OSBPL9: variants seen among roughly 807,000 people sequenced by gnomAD.
The protein encoded by OSBPL9 is oxysterol binding protein like 9.
In OSBPL9, 40 loss-of-function variants were observed where a neutral mutation model predicts 106.6. The ratio of observed to expected loss-of-function variants is 0.38; its 90% CI spans 0.29 to 0.49. The LOEUF (loss-of-function observed/expected upper bound fraction) is 0.49, where lower values mean the gene tolerates loss of function less well. OSBPL9 is among the 20% of genes least tolerant of loss of function. OSBPL9 has a pLI of 0.97. For missense variants in OSBPL9, 609 were observed against 887.2 expected (o/e 0.69, Z 3.98); for synonymous variants, 269 against 295.4 (o/e 0.91, Z 0.92).
the OSBPL9 span, among the ~76,000 whole-genome samples, chr1:51,550,969 A>G: frequency 6.6e-6 from 1 of 152,226 alleles, no homozygotes; most frequent in African/African-American, 2.4e-5. Flanking sequence ...ACCTATTTGT[A>G]TCAGGCACTT....
chr1:51,553,837 C>T, the OSBPL9 span, among the ~76,000 whole-genome samples: 2 of 152,170 alleles, frequency 1.3e-5, no homozygotes, highest in Non-Finnish European at 2.9e-5. Flanking sequence ...CGCCACCACA[C>T]CTGGCTAATT....
chr1:51,726,288 A>G lies in OSBPL9; in HGVS notation c.318+12209A>G, dbSNP rs945137570. Among the ~76,000 whole-genome samples the G allele has an allele frequency of 2.0e-5, 3 of 152,280 alleles. 1 individual carries two copies. In the South Asian group the frequency reaches 6.2e-4, roughly 32 times the overall value. On this transcript the variant is annotated intron_variant, in intron 4 of 23. Transcript: ENST00000428468. ...TCACTTCTCTTACAGAGTTAAGAAC[A>G]GTTGTTGGTTTTTCAGTTTGTTCAG...
intron 11 of OSBPL9, among the ~76,000 whole-genome samples, chr1:51,763,292 C>A (rs1450695472): frequency 6.6e-6 from 1 of 152,150 alleles, no homozygotes; most frequent in Non-Finnish European, 1.5e-5. Context: ...AGGTGTGAGC[C>A]ACCGCGCCCA....
the OSBPL9 span, among the ~76,000 whole-genome samples, chr1:51,523,110 A>G: frequency 6.6e-6 from 1 of 152,112 alleles, no homozygotes; most frequent in African/African-American, 2.4e-5. Context: ...AAAATCAATC[A>G]AATAAAAATA....
chr1:51,528,673 A>T, the OSBPL9 span, among the ~76,000 whole-genome samples: 6 of 152,100 alleles, frequency 3.9e-5, no homozygotes, highest in East Asian at 1.2e-3. Flanking sequence ...GGAGTTTGAG[A>T]CCAGCCTGGG....
the OSBPL9 span, among the ~76,000 whole-genome samples, chr1:51,550,035 G>A: frequency 7.2e-5 from 11 of 152,150 alleles, no homozygotes; most frequent in Non-Finnish European, 1.3e-4. Flanking sequence ...TATAAACTTC[G>A]AAACCAGACA....
intron 3 of OSBPL9, among the ~76,000 whole-genome samples, chr1:51,684,245 G>A (rs978231962): frequency 6.6e-6 from 1 of 152,042 alleles, no homozygotes; most frequent in East Asian, 1.9e-4. Flanking sequence ...CTGGCCTCAA[G>A]TGATTCTCCT....
At chr1:51,767,687 G>T (rs1396920040) in intron 12 of OSBPL9, among the ~76,000 whole-genome samples, 1 of 152,108 alleles carries the variant, frequency 6.6e-6, no homozygotes, top group African/African-American at 2.4e-5. Context: ...ACTAAAGAAG[G>T]CCAGTGTAGC....
At chr1:51,671,899 G>A (rs1649965377) in intron 3 of OSBPL9, among the ~76,000 whole-genome samples, 1 of 152,104 alleles carries the variant, frequency 6.6e-6, no homozygotes, top group African/African-American at 2.4e-5. Context: ...TACCCACCCT[G>A]CCTTCCTCCC....
At chr1:51,584,700 A>G (rs113093955) in intron 1 of OSBPL9, among the ~76,000 whole-genome samples, 30,092 of 152,146 alleles carry the variant, frequency 0.2, 4,371 homozygotes, top group African/African-American at 0.41. Flanking sequence ...TGGGCGATAA[A>G]AGCAAGACTC....
intron 2 of OSBPL9, among the ~76,000 whole-genome samples, chr1:51,655,011 ACAT>A (rs1236552200): frequency 1.3e-5 from 2 of 152,214 alleles, no homozygotes; most frequent in African/African-American, 2.4e-5. Flanking sequence ...GGTGATCATC[ACAT>A]CATGAACAAT....
chr1:51,674,305 T>C (rs1650653793), intron 3 of OSBPL9, among the ~76,000 whole-genome samples: 1 of 152,152 alleles, frequency 6.6e-6, no homozygotes, highest in Admixed American at 6.5e-5. Flanking sequence ...TGTGTATGTT[T>C]AATCAACTTT....
chr1:51,623,603 G>A lies in OSBPL9; in HGVS notation c.111+6382G>A, dbSNP rs533830814. On this transcript the variant is annotated intron_variant, in intron 1 of 23. Transcript: ENST00000428468. ...TTAGAGAAATCATATGTTCTTTGCT[G>A]TTACACACTGTCTGGAAGAGACTTG... 4.6e-5 allele frequency among the ~76,000 whole-genome samples: 7 copies of A among 152,234 alleles called. No individual in the cohort carries two copies. The South Asian group carries it at 1.0e-3, about 23-fold the overall frequency.
At chr1:51,775,965 T>G (rs1674978975) in intron 14 of OSBPL9, among the ~76,000 whole-genome samples, 1 of 152,196 alleles carries the variant, frequency 6.6e-6, no homozygotes, top group Non-Finnish European at 1.5e-5. Flanking sequence ...TAGTTATTAC[T>G]AAATGTTAAG....
chr1:51,571,911 T>G, the OSBPL9 span, among the ~76,000 whole-genome samples: 1 of 152,174 alleles, frequency 6.6e-6, no homozygotes, highest in East Asian at 1.9e-4. Context: ...CTAGGAGGAA[T>G]CCAATGAACC....
chr1:51,543,240 G>A, the OSBPL9 span, among the ~76,000 whole-genome samples: 2 of 152,152 alleles, frequency 1.3e-5, no homozygotes, highest in East Asian at 3.8e-4. Context: ...ATTAGTAAAT[G>A]CCCAATAAAG....
intron 12 of OSBPL9, among the ~76,000 whole-genome samples, chr1:51,767,352 T>G (rs1672784037): frequency 6.6e-6 from 1 of 150,974 alleles, no homozygotes; most frequent in Non-Finnish European, 1.5e-5. Context: ...GAGATTGGGC[T>G]GCTGTACTCC....
intron 4 of OSBPL9, among the ~76,000 whole-genome samples, chr1:51,737,932 T>C (rs960471432): frequency 1.3e-5 from 2 of 151,892 alleles, no homozygotes; most frequent in African/African-American, 4.8e-5. Flanking sequence ...TACTTGAGAG[T>C]GAAGGAGGCT....
chr1:51,537,845 T>A, the OSBPL9 span, among the ~76,000 whole-genome samples: 1 of 151,998 alleles, frequency 6.6e-6, no homozygotes, highest in East Asian at 1.9e-4. Context: ...CCAGCTCTGG[T>A]CAACCATTTT....
Sources: gnomAD v4.1 joint callset for allele counts (sites outside exome capture counted in the v4.1 genomes callset) on GRCh38, gnomAD v4.1.1 for gene constraint, MANE v1.5 for transcripts, NCBI Gene and HGNC (gene_info 2026-07-23, HGNC 2026-07-21) for gene names.